SYNJ1: variants seen among roughly 807,000 people sequenced by gnomAD.
SYNJ1 encodes the protein synaptojanin 1.
A neutral mutation model predicts 168.2 loss-of-function variants in SYNJ1; 78 were observed. That is an observed-to-expected ratio of 0.46 (90% CI 0.39 to 0.56). The LOEUF (loss-of-function observed/expected upper bound fraction) is 0.56, where lower values mean the gene tolerates loss of function less well. SYNJ1 is among the 20% of genes least tolerant of loss of function. The pLI is 0.00. For missense variants in SYNJ1, 1,303 were observed against 1,597.6 expected (o/e 0.82, Z 3.14); for synonymous variants, 539 against 548.6 (o/e 0.98, Z 0.24).
rs920856797 is a variant in SYNJ1 at position 32,629,875 on chromosome 21, C to G, written c.*1930G>C. Reference sequence around the variant, plus strand: ...TACTTTGAGGTATAGCCTCTAAAAACTTAAAGCAGCATCATAGATGTGTTA... The same window carrying G: ...TACTTTGAGGTATAGCCTCTAAAAAGTTAAAGCAGCATCATAGATGTGTTA... On this transcript the variant is annotated 3_prime_UTR_variant, in exon 33 of 33. Transcript: ENST00000674351. The G allele has an allele frequency of 2.6e-5, 4 of 152,568 alleles. No individual in the cohort carries two copies. Among genetic ancestry groups the G allele is most frequent in the Non-Finnish European group, 5.9e-5 (4 of 68,046 alleles). 9.5% of individuals were successfully genotyped at this position (152,568 alleles called of 1,614,324 possible). A position where few individuals can be genotyped will look rare whatever the true frequency, so the allele number is the denominator to read the frequency against.
chr21:32,675,482 T>C (rs2041370454), intron 13 of SYNJ1, among the ~76,000 whole-genome samples: 2 of 152,090 alleles, frequency 1.3e-5, no homozygotes, highest in South Asian at 4.1e-4. Flanking sequence ...TTTCAGAAAA[T>C]GGTGTTCATT....
intron 1 of SYNJ1, 41 bp downstream of exon 1, chr21:32,727,905 T>C (rs1601567766): frequency 7.2e-6 from 11 of 1,530,512 alleles, no homozygotes; most frequent in South Asian, 1.2e-5. Context: ...TGCCCGTGGG[T>C]CTGGCCGCAG....
At chr21:32,688,280 A>C (rs1345294399) in intron 7 of SYNJ1, 26 bp downstream of exon 7, 1 of 1,606,322 alleles carries the variant, frequency 6.2e-7, no homozygotes, top group African/African-American at 1.3e-5. Flanking sequence ...ATCAAAACTT[A>C]AAGCACTATG....
At chr21:32,684,191 T>TAAAAGAATA in intron 9 of SYNJ1, 72 bp from the exon 10 acceptor site, 1 of 1,434,874 alleles carries the variant, frequency 7.0e-7, no homozygotes. Context: ...ATAATTGAGG[T>TAAAAGAATA]AATTAAAATG....
chr21:32,697,939 A>G (rs946166817), intron 4 of SYNJ1, among the ~76,000 whole-genome samples: 1 of 152,178 alleles, frequency 6.6e-6, no homozygotes, highest in Non-Finnish European at 1.5e-5. Flanking sequence ...ATGAGGAGGG[A>G]AAAAAATGTA....
rs2230766 is a variant in SYNJ1 at position 32,639,102 on chromosome 21, G to A, written c.3721C>T (p.Leu1241=). 0.082 allele frequency: 133,096 copies of A among 1,613,350 alleles called. 6,065 individuals carry two copies. Among genetic ancestry groups the A allele is most frequent in the Middle Eastern group, 0.093 (562 of 6,030 alleles). Residue 1241 remains leucine, a synonymous_variant, in exon 31 of 33, where the codon CTG becomes TTG. Transcript: ENST00000674351. ...GGAGGAAAAGCAGCCTGAGGCTTCA[G>A]TGGTTCAGGAAGGAAAGTTGAACCT... is the stretch of plus-strand genomic sequence containing the variant. ...SKGSTFLPEP[L]KPQAAFPPQS...
chr21:32,656,959 A>T (rs2040482699), intron 20 of SYNJ1, 44 bp downstream of exon 20: 2 of 1,610,796 alleles, frequency 1.2e-6, no homozygotes, highest in African/African-American at 2.7e-5. Context: ...GGTGTATTTC[A>T]AACAAATTTC....
intron 14 of SYNJ1, among the ~76,000 whole-genome samples, chr21:32,672,080 A>G (rs1320096566): frequency 1.0e-5 from 1 of 95,340 alleles, no homozygotes; most frequent in Non-Finnish European, 2.3e-5. Flanking sequence ...AAAAAAAAAA[A>G]AAAAGAAAAA....
chr21:32,644,486 A>G (rs1894436488), intron 26 of SYNJ1, among the ~76,000 whole-genome samples: 1 of 152,226 alleles, frequency 6.6e-6, no homozygotes, highest in Non-Finnish European at 1.5e-5. Context: ...AGATTAAATA[A>G]ACTTGTCAAA....
intron 2 of SYNJ1, among the ~76,000 whole-genome samples, chr21:32,717,604 C>T (rs1394066789): frequency 6.6e-6 from 1 of 152,194 alleles, no homozygotes; most frequent in Non-Finnish European, 1.5e-5. Flanking sequence ...CAACCTAATT[C>T]TCCATGCAGG....
chr21:32,713,246 T>C (rs528240690), intron 2 of SYNJ1, among the ~76,000 whole-genome samples: 13 of 148,458 alleles, frequency 8.8e-5, no homozygotes, highest in African/African-American at 3.2e-4. Context: ...ATGGATGATT[T>C]CCCATATATC....
intron 15 of SYNJ1, among the ~76,000 whole-genome samples, chr21:32,667,911 GTC>G (rs775993613): frequency 2.0e-5 from 3 of 151,856 alleles, no homozygotes; most frequent in Non-Finnish European, 4.4e-5. Flanking sequence ...AGGGATTTTT[GTC>G]TGTTTGATTC....
chr21:32,676,578 TCCA>T (rs1297283817), intron 12 of SYNJ1, among the ~76,000 whole-genome samples: 3 of 152,226 alleles, frequency 2.0e-5, no homozygotes, highest in Non-Finnish European at 4.4e-5. Context: ...CTCAGTGATA[TCCA>T]CCGTTTCACC....
intron 2 of SYNJ1, among the ~76,000 whole-genome samples, chr21:32,705,863 T>A: frequency 6.6e-6 from 1 of 152,146 alleles, no homozygotes; most frequent in East Asian, 1.9e-4. Context: ...GGCATGCACC[T>A]GGGGTCCCAA....
chr21:32,701,572 A>G (rs1402998350), intron 3 of SYNJ1, among the ~76,000 whole-genome samples: 5 of 151,476 alleles, frequency 3.3e-5, no homozygotes, highest in African/African-American at 1.2e-4. Flanking sequence ...TCAAGCAGAC[A>G]CTTTCTGAAT....
rs1367145848 is a variant in SYNJ1 at position 32,641,964 on chromosome 21, G to A, written c.3520C>T (p.Arg1174Cys). ...PGTTRKDNIG[R>C]SQPSPQAGLA... is the part of the protein sequence containing the mutation. ...CCTGCTTGAGGTGAAGGCTGACTGC[G>A]TCCTGGAACAAAGACATCATATCAT... The change falls in exon 29 of 33, where the codon CGC becomes TGC. Residue 1174 changes from arginine to cysteine, a missense_variant and splice_region_variant. Arg to Cys is a radical substitution (Grantham distance 180, BLOSUM62 -3). Transcript: ENST00000674351. 24 of 1,613,668 alleles carry A rather than the reference G, an allele frequency of 1.5e-5. No homozygotes were observed. Among genetic ancestry groups the A allele is most frequent in the East Asian group, 2.2e-5 (1 of 44,878 alleles).
At chr21:32,642,233 G>A (rs2039873234) in intron 27 of SYNJ1, 100 bp from the exon 28 acceptor site, 16 of 1,315,106 alleles carry the variant, frequency 1.2e-5, no homozygotes, top group Non-Finnish European at 1.7e-5. Context: ...CAGCAGAAAT[G>A]GGGGCATGAG....
chr21:32,644,368 A>C (rs844976), intron 26 of SYNJ1, among the ~76,000 whole-genome samples: 12,799 of 152,262 alleles, frequency 0.084, 717 homozygotes, highest in South Asian at 0.17. Flanking sequence ...GGCAAGCTAC[A>C]ATAGAAACAG....
chr21:32,645,532 A>T, intron 25 of SYNJ1, 114 bp downstream of exon 25: 1 of 1,333,298 alleles, frequency 7.5e-7, no homozygotes, highest in Non-Finnish European at 9.8e-7. Context: ...AAATAGCAAT[A>T]ATGATAGAAA....
Sources: gnomAD v4.1 joint callset for allele counts (sites outside exome capture counted in the v4.1 genomes callset) on GRCh38, gnomAD v4.1.1 for gene constraint, MANE v1.5 for transcripts, NCBI Gene and HGNC (gene_info 2026-07-23, HGNC 2026-07-21) for gene names.